Variants in NOL8 observed in about 807,000 individuals in gnomAD.
NOL8 encodes nucleolar protein 8, also known as nucleolar protein Nop132.
NOL8 carries 93 observed loss-of-function variants against 116.1 expected under a neutral mutation model. The ratio of observed to expected loss-of-function variants is 0.80; its 90% CI spans 0.68 to 0.95. The LOEUF (loss-of-function observed/expected upper bound fraction) is 0.95, where lower values mean the gene tolerates loss of function less well. Ranked by LOEUF, NOL8 falls within the 40% of genes least tolerant of loss-of-function variation. NOL8 has a pLI of 0.00. For missense variants in NOL8, 1,291 were observed against 1,382.8 expected (o/e 0.93, Z 1.05); for synonymous variants, 419 against 469.0 (o/e 0.89, Z 1.38).
chr9:92,311,340 T>C (rs939878136), intron 7 of NOL8, 81 bp from the exon 8 acceptor site: 17 of 934,652 alleles, frequency 1.8e-5, no homozygotes, highest in African/African-American at 1.8e-4. Flanking sequence ...AAATCCAAAA[T>C]TGACAAGTGG....
At chr9:92,318,539 A>C in intron 6 of NOL8, 79 bp downstream of exon 6, 2 of 995,964 alleles carry the variant, frequency 2.0e-6, no homozygotes, top group Non-Finnish European at 3.0e-6. Flanking sequence ...TTCACTGATA[A>C]GAGACAGTGA....
At chr9:92,323,532 A>C (rs766088340) in intron 2 of NOL8, 29 bp from the exon 3 acceptor site, 170 of 1,517,522 alleles carry the variant, frequency 1.1e-4, no homozygotes, top group Admixed American at 5.4e-5. Flanking sequence ...AACAAACAAA[A>C]CAATTTATTT....
intron 8 of NOL8, 39 bp downstream of exon 8, chr9:92,311,107 A>G: frequency 6.8e-7 from 1 of 1,465,184 alleles, no homozygotes. Context: ...GATCTGCAGA[A>G]GTAGATGAAT....
chr9:92,301,927 T>C (rs1837788735), intron 12 of NOL8, 105 bp from the exon 13 acceptor site: 2 of 869,524 alleles, frequency 2.3e-6, no homozygotes, highest in Non-Finnish European at 3.4e-6. Flanking sequence ...TTCTATCCTA[T>C]CAACAACCAG....
Position 92,315,543 on chromosome 9 carries a change from G to C in NOL8, c.1082C>G (p.Ser361Cys), listed in dbSNP as rs1330149585. ...AATATCATCATCACTATCATGGCAA[G>C]AGACACGATTTTTGATACCTAAACC... ...LIGLGIKNRV[S>C]CHDSDDDIMR... is the part of the protein sequence containing the mutation. The change falls in exon 7 of 17, where the codon TCT becomes TGT. Residue 361 changes from serine to cysteine, a missense_variant. Transcript: ENST00000442668. The C allele has an allele frequency of 6.2e-7, 1 of 1,611,758 alleles. No individual in the cohort carries two copies. The highest frequency in any genetic ancestry group is 1.7e-5 in the Admixed American group (1 of 59,814).
chr9:92,318,470 G>A lies in NOL8; in HGVS notation c.486+148C>T, dbSNP rs549753269. On this transcript the variant is annotated intron_variant, in intron 6 of 16. Transcript: ENST00000442668. ...CAATCCATTTTCTCATGCTCTAATT[G>A]TTTCATACATGTAGGTGAGTACCAA... The A allele has an allele frequency of 1.5e-4, 93 of 625,550 alleles. No individual in the cohort carries two copies. The East Asian group carries it at 2.9e-3, about 19-fold the overall frequency. 38.7% of individuals were successfully genotyped at this position (625,550 alleles called of 1,614,324 possible). A position where few individuals can be genotyped will look rare whatever the true frequency, so the allele number is the denominator to read the frequency against.
chr9:92,301,426 A>C lies in NOL8; in HGVS notation c.3175+125T>G. 9 of 732,578 alleles carry C rather than the reference A, an allele frequency of 1.2e-5. No homozygotes were observed. The South Asian group carries it at 1.9e-4, about 16-fold the overall frequency. 45.4% of individuals were successfully genotyped at this position (732,578 alleles called of 1,614,324 possible). ...TATGCTCCTGTGACACTAAATCTCA[A>C]ATCTTCTAGGTAGAAGAAAGAGTCC... On this transcript the variant is annotated intron_variant, in intron 13 of 16. Coordinates refer to ENST00000442668, the MANE Select transcript of NOL8 (RefSeq NM_017948.6).
intron 4 of NOL8, among the ~76,000 whole-genome samples, chr9:92,321,025 G>C (rs1025363827): frequency 6.6e-6 from 1 of 152,090 alleles, no homozygotes; most frequent in African/African-American, 2.4e-5. Context: ...ACATTGTCTT[G>C]CTCTTAAATC....
intron 12 of NOL8, among the ~76,000 whole-genome samples, chr9:92,304,214 G>T (rs1024595962): frequency 6.6e-6 from 1 of 152,172 alleles, no homozygotes; most frequent in Non-Finnish European, 1.5e-5. Flanking sequence ...TTATTCCTAG[G>T]CCCTCAGTCC....
intron 10 of NOL8, among the ~76,000 whole-genome samples, chr9:92,308,678 G>A (rs760908369): frequency 1.3e-4 from 20 of 152,142 alleles, no homozygotes; most frequent in Admixed American, 7.9e-4. Flanking sequence ...TAGGAATAAA[G>A]AGTTAAGAAA....
chr9:92,323,951 GTTGTT>G (rs1840174286), intron 2 of NOL8, 67 bp downstream of exon 2: 1 of 1,505,272 alleles, frequency 6.6e-7, no homozygotes, highest in Non-Finnish European at 9.0e-7. Context: ...TTATCTTGGG[GTTGTT>G]TTATTTTCTA....
rs923544189 is a variant in NOL8 at position 92,305,743 on chromosome 9, C to T, written c.2903+10G>A. On this transcript the variant is annotated intron_variant, in intron 12 of 16. Coordinates refer to ENST00000442668, the MANE Select transcript of NOL8 (RefSeq NM_017948.6). ...ATGATCCTATTGCTAAAAGAAGTAG[C>T]TCTACTTACCTTTCTTTTGGCTTAT... The T allele has an allele frequency of 3.2e-6, 5 of 1,570,658 alleles. No individual in the cohort carries two copies. The highest frequency in any genetic ancestry group is 1.7e-5 in the Admixed American group (1 of 59,748).
chr9:92,301,272 C>G (rs1241275330), intron 13 of NOL8, among the ~76,000 whole-genome samples: 1 of 152,220 alleles, frequency 6.6e-6, no homozygotes, highest in Non-Finnish European at 1.5e-5. Flanking sequence ...TATACTTCTT[C>G]ATGACGTTTT....
chr9:92,321,742 C>A lies in NOL8; in HGVS notation c.207G>T (p.Met69Ile). Residue 69 changes from methionine to isoleucine, a missense_variant, in exon 4 of 17, where the codon ATG becomes ATT. Transcript: ENST00000442668. ...SVAEADLKKCMSVLNKTKWKG... is the reference protein window; with the variant it reads ...SVAEADLKKCISVLNKTKWKG... ...TCCATTTTGTTTTATTTAAAACAGACATACCTATAAAGTAAAGAATTATTA... is the reference window on the plus strand; with the variant it reads ...TCCATTTTGTTTTATTTAAAACAGAAATACCTATAAAGTAAAGAATTATTA... 7.2e-7 allele frequency: 1 copy of A among 1,395,592 alleles called. No homozygotes were observed. 86.5% of individuals were successfully genotyped at this position (1,395,592 alleles called of 1,614,324 possible). A position where few individuals can be genotyped will look rare whatever the true frequency, so the allele number is the denominator to read the frequency against.
chr9:92,323,402 A>G, intron 3 of NOL8, 39 bp downstream of exon 3: 2 of 1,565,360 alleles, frequency 1.3e-6, no homozygotes, highest in Non-Finnish European at 1.7e-6. Flanking sequence ...AGAGTCATAC[A>G]AACTGGCAAA....
chr9:92,298,118 G>C (rs1837399536), intron 16 of NOL8, 139 bp downstream of exon 16: 1 of 711,608 alleles, frequency 1.4e-6, no homozygotes, highest in Admixed American at 3.0e-5. Context: ...AGGCTTGGCT[G>C]GATTCTGAGA....
intron 5 of NOL8, 125 bp downstream of exon 5, chr9:92,319,096 A>G: frequency 1.0e-6 from 1 of 1,001,418 alleles, no homozygotes; most frequent in Non-Finnish European, 1.4e-6. Flanking sequence ...AGTCCTATCT[A>G]TGTTAATTGC....
At chr9:92,322,071 T>C (rs1315596950) in intron 3 of NOL8, among the ~76,000 whole-genome samples, 1 of 152,270 alleles carries the variant, frequency 6.6e-6, no homozygotes, top group South Asian at 2.1e-4. Context: ...TGATATTTAA[T>C]GTATATTTTA....
chr9:92,310,776 C>A, intron 8 of NOL8, 101 bp from the exon 9 acceptor site: 1 of 1,284,994 alleles, frequency 7.8e-7, no homozygotes, highest in South Asian at 1.5e-5. Context: ...GTAACCCAGA[C>A]TCATCTACCA....
Sources: gnomAD v4.1 joint callset for allele counts (sites outside exome capture counted in the v4.1 genomes callset) on GRCh38, gnomAD v4.1.1 for gene constraint, MANE v1.5 for transcripts, NCBI Gene and HGNC (gene_info 2026-07-23, HGNC 2026-07-21) for gene names.